VPS35: variants seen among roughly 807,000 people sequenced by gnomAD.
VPS35 encodes the protein vacuolar protein sorting-associated protein 35.
In VPS35, 21 loss-of-function variants were observed where a neutral mutation model predicts 98.1. The ratio of observed to expected loss-of-function variants is 0.21; its 90% CI spans 0.15 to 0.31. VPS35 has a LOEUF of 0.31. VPS35 is among the 10% of genes least tolerant of loss of function. The pLI, the probability that VPS35 is intolerant of heterozygous loss-of-function variation, is 1.00. For synonymous variants in VPS35, 268 were observed against 318.2 expected, an observed-to-expected ratio of 0.84 and a Z score of 1.68; for missense variants, 554 against 950.8, an observed-to-expected ratio of 0.58 and a Z score of 5.49.
At chr16:46,679,207 T>C (rs372970798) in intron 5 of VPS35, 51 bp from the exon 6 acceptor site, 5 of 1,462,356 alleles carry the variant, frequency 3.4e-6, no homozygotes, top group Non-Finnish European at 4.7e-6. Flanking sequence ...ACCAACTTAC[T>C]ACTATCCTTC....
chr16:46,674,550 A>T lies in VPS35; in HGVS notation c.1011+14T>A, dbSNP rs751620415. ...TTCAAAGTTTTGAGAACTTAGGAGA[A>T]ATGCTACACAAACCTGTATCACTGT... On this transcript the variant is annotated intron_variant, in intron 9 of 16. Transcript: ENST00000299138. 12 of 1,608,710 alleles carry T rather than the reference A, an allele frequency of 7.5e-6. No individual in the cohort carries two copies. The South Asian group carries it at 1.3e-4, about 18-fold the overall frequency.
intron 15 of VPS35, 52 bp downstream of exon 15, chr16:46,662,191 T>G: frequency 6.2e-7 from 1 of 1,613,274 alleles, no homozygotes; most frequent in Non-Finnish European, 8.5e-7. Context: ...CCATGACAAC[T>G]GATCCCTGTT....
intron 10 of VPS35, chr16:46,673,541 G>A (rs1449246985): frequency 6.7e-6 from 1 of 149,560 alleles, no homozygotes; most frequent in African/African-American, 2.6e-5. Flanking sequence ...GGGAACTGCT[G>A]GGGAAGGTAA....
In VPS35 at chr16:46,660,473, T is replaced by C; in HGVS notation, c.2390A>G (p.Ter797=). Residue 797 remains the stop codon, a stop_retained_variant, in exon 17 of 17, where the codon TAA becomes TGA. Coordinates refer to ENST00000299138, the MANE Select transcript of VPS35 (RefSeq NM_018206.6). ...GGAGTATGGTGAGCTATTTCCTTTT[T>C]AAAGGATGAGACCTTCATAAATTGG... The part of the protein sequence containing the change: ...EGPIYEGLIL[*] The C allele has an allele frequency of 6.2e-7, 1 of 1,613,746 alleles. No homozygotes were observed. Among genetic ancestry groups the C allele is most frequent in the Non-Finnish European group, 8.5e-7 (1 of 1,179,996 alleles).
At position 46,661,970 on chromosome 16, in the gene VPS35, A is replaced by C; in HGVS notation, c.2068-109T>G. On this transcript the variant is annotated intron_variant, in intron 15 of 16. Transcript: ENST00000299138. The surrounding 1 kb of genome is among the most constrained non-coding windows in gnomAD (Gnocchi z 4.3). ...CTTTCGTGTTTTAAAGGGACATAAC[A>C]AATTTAAATCCTTTTCATTCTCCTT... 6.8e-7 allele frequency: 1 copy of C among 1,474,028 alleles called. No individual in the cohort carries two copies. The highest frequency in any genetic ancestry group is 9.4e-7 in the Non-Finnish European group (1 of 1,069,352). The allele number at this position is 1,474,028 out of a possible 1,614,324, so 91.3% of individuals were successfully genotyped here. A position where few individuals can be genotyped will look rare whatever the true frequency, so the allele number is the denominator to read the frequency against.
rs1411359743 is a variant in VPS35, at chr16:46,657,762, C to T, written c.*2710G>A. On this transcript the variant is annotated 3_prime_UTR_variant, in exon 17 of 17. Transcript: ENST00000299138. ...GGCAGGAAAGGGAGGGTAGGAAAGT[C>T]TAACACGGCAGGCATCTCTCATCCA... 1 of 152,188 alleles carries T rather than the reference C, an allele frequency of 6.6e-6. No homozygotes were observed. The highest frequency in any genetic ancestry group is 1.5e-5 in the Non-Finnish European group (1 of 68,068). 9.4% of individuals were successfully genotyped at this position (152,188 alleles called of 1,614,324 possible). A position where few individuals can be genotyped will look rare whatever the true frequency, so the allele number is the denominator to read the frequency against.
chr16:46,687,499 C>T (rs1596728393), intron 1 of VPS35, among the ~76,000 whole-genome samples: 1 of 152,204 alleles, frequency 6.6e-6, no homozygotes, highest in African/African-American at 2.4e-5. Context: ...GTTCACGTTA[C>T]TTCCTGTAGT....
Position 46,679,171 on chromosome 16 carries a change from A to G in VPS35, c.507-15T>C, listed in dbSNP as rs1359464879. 3 of 1,584,942 alleles carry G rather than the reference A, an allele frequency of 1.9e-6. No individual in the cohort carries two copies. The highest frequency in any genetic ancestry group is 2.6e-6 in the Non-Finnish European group (3 of 1,163,396). ...TTGTTTCTTCACTGCAAAGAAACAGAAAAGTCTTTACACAGTATTTACAGG... is the reference window on the plus strand; with the variant it reads ...TTGTTTCTTCACTGCAAAGAAACAGGAAAGTCTTTACACAGTATTTACAGG... On this transcript the variant is annotated splice_polypyrimidine_tract_variant and intron_variant, in intron 5 of 16. Coordinates refer to ENST00000299138, the MANE Select transcript of VPS35 (RefSeq NM_018206.6).
rs1965846458 is a variant in VPS35, at chr16:46,656,597, A to G, written c.*3875T>C. On this transcript the variant is annotated 3_prime_UTR_variant, in exon 17 of 17. Coordinates refer to ENST00000299138, the MANE Select transcript of VPS35 (RefSeq NM_018206.6). ...CTTTCCCAGCAGTTATGAAGCGTCC[A>G]AAGGTTTCCTTGTGTTTCTATTTCT... 1 of 152,224 alleles carries G rather than the reference A, an allele frequency of 6.6e-6. No homozygotes were observed. The highest frequency in any genetic ancestry group is 2.4e-5 in the African/African-American group (1 of 41,450). The allele number at this position is 152,224 out of a possible 1,614,324, so 9.4% of individuals were successfully genotyped here.
rs1373877728 is a variant in VPS35 at position 46,657,199 on chromosome 16, A to C, written c.*3273T>G. On this transcript the variant is annotated 3_prime_UTR_variant, in exon 17 of 17. Coordinates refer to ENST00000299138, the MANE Select transcript of VPS35 (RefSeq NM_018206.6). ...GTATGGTAAATGTGTAGATACTGGC[A>C]CCTGAATCAGTGTCTGTTGTCCATG... 1 of 151,788 alleles carries C rather than the reference A, an allele frequency of 6.6e-6. No homozygotes were observed. Among genetic ancestry groups the C allele is most frequent in the Non-Finnish European group, 1.5e-5 (1 of 67,928 alleles). 9.4% of individuals were successfully genotyped at this position (151,788 alleles called of 1,614,324 possible).
chr16:46,667,504 T>C (rs1365321299), intron 13 of VPS35, among the ~76,000 whole-genome samples: 1 of 152,314 alleles, frequency 6.6e-6, no homozygotes, highest in South Asian at 2.1e-4. Context: ...TTTAAACTTA[T>C]TTTTGCTTAT....
At chr16:46,688,742 C>A in intron 1 of VPS35, 1 of 1,208,748 alleles carries the variant, frequency 8.3e-7, no homozygotes, top group Non-Finnish European at 1.0e-6. Context: ...GCGCCACCTC[C>A]GAGTCTCAGG....
intron 5 of VPS35, among the ~76,000 whole-genome samples, 197 bp downstream of exon 5, chr16:46,680,474 A>G (rs576342963): frequency 2.6e-5 from 4 of 152,382 alleles, no homozygotes; most frequent in South Asian, 2.1e-4. Context: ...TAAAATTTGC[A>G]TAAGAGTACA....
chr16:46,666,773 CTACTATGTAGAGAATATGTGCGTACA>C (rs2143006624), intron 13 of VPS35, among the ~76,000 whole-genome samples: 1 of 152,262 alleles, frequency 6.6e-6, no homozygotes, highest in South Asian at 2.1e-4. Context: ...GAGTATTATT[CTACTATGTAGAGAATATGTGCGTACA>C]TACATATACA....
intron 13 of VPS35, among the ~76,000 whole-genome samples, chr16:46,667,602 A>T (rs1345303785): frequency 6.6e-6 from 1 of 152,164 alleles, no homozygotes; most frequent in African/African-American, 2.4e-5. Context: ...TATCCAAAAA[A>T]TCATTGACCA....
chr16:46,677,769 C>T, intron 6 of VPS35: 1 of 243,232 alleles, frequency 4.1e-6, no homozygotes, highest in South Asian at 5.2e-5. Context: ...CTCCTGGACT[C>T]AAGTGATCCA....
At chr16:46,687,215 C>T (rs1165632418) in intron 1 of VPS35, among the ~76,000 whole-genome samples, 2 of 152,170 alleles carry the variant, frequency 1.3e-5, no homozygotes, top group Non-Finnish European at 2.9e-5. Context: ...ACGCTCATTT[C>T]TTCAAACAAA....
chr16:46,660,957 G>A, intron 16 of VPS35: 2 of 408,962 alleles, frequency 4.9e-6, no homozygotes, highest in South Asian at 1.9e-5. Flanking sequence ...GACCAGCCTG[G>A]CCAACATGGT....
At chr16:46,664,303 C>T (rs530685530) in intron 13 of VPS35, among the ~76,000 whole-genome samples, 1 of 152,026 alleles carries the variant, frequency 6.6e-6, no homozygotes, top group South Asian at 2.1e-4. Context: ...GGATTACAAG[C>T]GCGCCACCAC....
Sources: gnomAD v4.1 joint callset for allele counts (sites outside exome capture counted in the v4.1 genomes callset) on GRCh38, gnomAD v4.1.1 for gene constraint, Gnocchi (gnomAD v3.1) non-coding constraint, MANE v1.5 for transcripts, NCBI Gene and HGNC (gene_info 2026-07-23, HGNC 2026-07-21) for gene names.